Variants in DGKB observed in about 807,000 individuals in gnomAD.
The protein encoded by DGKB is diacylglycerol kinase beta.
In DGKB, 67 loss-of-function variants were observed where a neutral mutation model predicts 114.3. That is an observed-to-expected ratio of 0.59 (90% confidence interval 0.48 to 0.72). The LOEUF is 0.72. Among genes scored for constraint, DGKB ranks in the 30% least tolerant of loss-of-function variants. DGKB has a pLI of 0.00. For missense variants in DGKB, 907 were observed against 975.2 expected, an observed-to-expected ratio of 0.93 and a Z score of 0.93; for synonymous variants, 398 against 323.1, an observed-to-expected ratio of 1.23 and a Z score of -2.49.
chr7:14,579,658 A>T (rs1302976546), intron 19 of DGKB, among the ~76,000 whole-genome samples: 3 of 152,142 alleles, frequency 2.0e-5, no homozygotes, highest in Admixed American at 6.5e-5. Context: ...CTTACTGAAC[A>T]TCCCAAATAG....
intron 20 of DGKB, among the ~76,000 whole-genome samples, chr7:14,512,685 T>C (rs1349806337): frequency 6.6e-6 from 1 of 152,066 alleles, no homozygotes; most frequent in Non-Finnish European, 1.5e-5. Flanking sequence ...GGTGTACATA[T>C]AAAAATTTTA....
rs531920919 is a variant in DGKB at position 14,627,520 on chromosome 7, A to T, written c.1167+2716T>A. ...GAATAAGAGGGTCTATGCCAAAATA[A>T]TTCAATTTTGGCTATGTGCTAGTAC... On this transcript the variant is annotated intron_variant, in intron 14 of 25. Transcript: ENST00000402815. Among the ~76,000 whole-genome samples, 22 of 152,200 alleles carry T rather than the reference A, an allele frequency of 1.4e-4. 1 individual carries two copies. The South Asian group carries it at 4.6e-3, about 32-fold the overall frequency.
chr7:14,933,256 C>T (rs959592974), intron 1 of DGKB, among the ~76,000 whole-genome samples: 3 of 152,176 alleles, frequency 2.0e-5, no homozygotes, highest in Non-Finnish European at 4.4e-5. Flanking sequence ...ACAGAACATA[C>T]TTAAACTTTT....
At chr7:14,395,440 A>G (rs150167320) in intron 21 of DGKB, among the ~76,000 whole-genome samples, 5 of 152,084 alleles carry the variant, frequency 3.3e-5, no homozygotes, top group African/African-American at 1.2e-4. Flanking sequence ...ATATTTTGAT[A>G]TTATTTCCAG....
At chr7:14,858,054 A>G (rs1850439723) in intron 1 of DGKB, among the ~76,000 whole-genome samples, 1 of 152,166 alleles carries the variant, frequency 6.6e-6, no homozygotes, top group South Asian at 2.1e-4. Context: ...CCAGTCACAT[A>G]TAACAGCATT....
At chr7:14,945,794 T>C (rs1357546785) in intron 1 of DGKB, among the ~76,000 whole-genome samples, 1 of 151,750 alleles carries the variant, frequency 6.6e-6, no homozygotes, top group African/African-American at 2.4e-5. Flanking sequence ...TATTGTACTT[T>C]TGTTATTATT....
intron 23 of DGKB, among the ~76,000 whole-genome samples, chr7:14,324,218 G>A (rs1808331559): frequency 6.6e-6 from 1 of 152,092 alleles, no homozygotes. Context: ...GGAGGTCAAG[G>A]CCGACAGATC....
intron 23 of DGKB, among the ~76,000 whole-genome samples, chr7:14,185,859 A>G (rs1783346373): frequency 6.6e-6 from 1 of 152,198 alleles, no homozygotes; most frequent in Non-Finnish European, 1.5e-5. Flanking sequence ...CCTTATACAA[A>G]AATCAATTCA....
intron 20 of DGKB, among the ~76,000 whole-genome samples, chr7:14,529,576 C>T (rs568219703): frequency 3.3e-5 from 5 of 151,614 alleles, no homozygotes; most frequent in Non-Finnish European, 7.4e-5. Flanking sequence ...TATCACTCTA[C>T]ATGAAAAATG....
At chr7:14,828,244 T>C (rs1396467993) in intron 2 of DGKB, among the ~76,000 whole-genome samples, 1 of 152,068 alleles carries the variant, frequency 6.6e-6, no homozygotes, top group Non-Finnish European at 1.5e-5. Flanking sequence ...ATATATAGCC[T>C]AGTGCCAAGC....
chr7:14,964,988 G>C (rs985628840), intron 1 of DGKB, among the ~76,000 whole-genome samples: 2 of 152,120 alleles, frequency 1.3e-5, no homozygotes, highest in Non-Finnish European at 2.9e-5. Flanking sequence ...GACTAGATCT[G>C]AGTAGTGAAA....
intron 1 of DGKB, among the ~76,000 whole-genome samples, chr7:14,935,019 A>G (rs1208835249): frequency 6.6e-6 from 1 of 152,204 alleles, no homozygotes; most frequent in Non-Finnish European, 1.5e-5. Context: ...CTTAGAGCTA[A>G]TTTGAGTATT....
chr7:14,947,325 CA>C (rs1160024432), intron 1 of DGKB, among the ~76,000 whole-genome samples: 1 of 151,594 alleles, frequency 6.6e-6, no homozygotes, highest in African/African-American at 2.4e-5. Context: ...AATGGAAAAA[CA>C]AAACTGTTCT....
chr7:14,780,553 T>C (rs138308327), intron 2 of DGKB, among the ~76,000 whole-genome samples: 7 of 152,290 alleles, frequency 4.6e-5, no homozygotes, highest in African/African-American at 1.7e-4. Context: ...TTCCATTTTC[T>C]TATTCTTATA....
chr7:14,350,124 A>C (rs1431898682), intron 21 of DGKB, among the ~76,000 whole-genome samples: 1 of 152,150 alleles, frequency 6.6e-6, no homozygotes, highest in African/African-American at 2.4e-5. Flanking sequence ...AAGACGAAGA[A>C]ATTGGCTCCC....
chr7:14,900,442 C>CA (rs914821625), intron 1 of DGKB, among the ~76,000 whole-genome samples: 5 of 152,104 alleles, frequency 3.3e-5, no homozygotes, highest in Non-Finnish European at 7.4e-5. Context: ...CCAGAAGAAA[C>CA]ATCCAGGAGA....
At chr7:14,191,491 T>C in intron 23 of DGKB, 1 of 192,412 alleles carries the variant, frequency 5.2e-6, no homozygotes, top group Non-Finnish European at 1.2e-5. Context: ...ATGCATCCTA[T>C]CACCAACTCA....
At chr7:14,797,758 CCTT>C (rs1841598843) in intron 2 of DGKB, among the ~76,000 whole-genome samples, 1 of 152,038 alleles carries the variant, frequency 6.6e-6, no homozygotes, top group Middle Eastern at 3.4e-3. Flanking sequence ...CAGTGGCTTT[CCTT>C]CTTCTCTCCC....
At chr7:14,335,941 A>C (rs1810570015) in intron 23 of DGKB, among the ~76,000 whole-genome samples, 1 of 151,896 alleles carries the variant, frequency 6.6e-6, no homozygotes, top group South Asian at 2.1e-4. Flanking sequence ...CTCCTTTCCC[A>C]GTATGTTGCC....
Sources: allele counts gnomAD v4.1 joint callset (sites outside exome capture counted in the v4.1 genomes callset), GRCh38; gene constraint gnomAD v4.1.1; transcripts MANE v1.5; gene names NCBI Gene and HGNC (gene_info 2026-07-23, HGNC 2026-07-21).